UNC13C: variants seen among roughly 807,000 people sequenced by gnomAD.
The protein encoded by UNC13C is unc-13 homolog C.
A neutral mutation model predicts 245.4 loss-of-function variants in UNC13C; 174 were observed. The ratio of observed to expected loss-of-function variants is 0.71; its 90% CI spans 0.63 to 0.80. The LOEUF is 0.80. UNC13C is among the 30% of genes least tolerant of loss of function. The probability of loss-of-function intolerance (pLI) is 0.00; values close to 1 mark genes in which losing one functional copy is unlikely to be tolerated. For missense variants in UNC13C, 2,829 were observed against 2,602.9 expected, an observed-to-expected ratio of 1.09 and a Z score of -1.89; for synonymous variants, 992 against 895.1, an observed-to-expected ratio of 1.11 and a Z score of -1.93.
the UNC13C span, among the ~76,000 whole-genome samples, chr15:53,896,212 T>G: frequency 6.6e-6 from 1 of 152,220 alleles, no homozygotes; most frequent in South Asian, 2.1e-4. Context: ...TATCACTGTT[T>G]CATTTGGTGT....
At chr15:54,535,017 C>G (rs1895928466) in intron 26 of UNC13C, among the ~76,000 whole-genome samples, 1 of 152,128 alleles carries the variant, frequency 6.6e-6, no homozygotes, top group Non-Finnish European at 1.5e-5. Flanking sequence ...TGCATAACAA[C>G]CAGCTAAAGA....
intron 19 of UNC13C, among the ~76,000 whole-genome samples, chr15:54,448,091 A>T (rs1447747377): frequency 6.6e-6 from 1 of 152,156 alleles, no homozygotes; most frequent in Non-Finnish European, 1.5e-5. Context: ...GTTTTGAGTG[A>T]GTTTCTTAAT....
intron 8 of UNC13C, among the ~76,000 whole-genome samples, chr15:54,257,356 C>G (rs2036305873): frequency 6.6e-6 from 1 of 152,200 alleles, no homozygotes; most frequent in South Asian, 2.1e-4. Flanking sequence ...CTAGAAAATG[C>G]TGATGAGATG....
At chr15:54,420,016 G>T (rs116467762) in intron 19 of UNC13C, among the ~76,000 whole-genome samples, 1,693 of 151,998 alleles carry the variant, frequency 0.011, 26 homozygotes, top group African/African-American at 0.039. Flanking sequence ...TGTTTTAGTA[G>T]CTAATTATTT....
At chr15:54,523,168 CAT>C (rs949668842) in intron 24 of UNC13C, among the ~76,000 whole-genome samples, 1 of 152,084 alleles carries the variant, frequency 6.6e-6, no homozygotes, top group Non-Finnish European at 1.5e-5. Context: ...AATTTGGACA[CAT>C]AGAGTAATGC....
At chr15:54,275,397 G>C (rs1233668309) in intron 10 of UNC13C, among the ~76,000 whole-genome samples, 4 of 152,028 alleles carry the variant, frequency 2.6e-5, no homozygotes, top group Non-Finnish European at 5.9e-5. Flanking sequence ...ATCATACTTA[G>C]TATAATAGTA....
At chr15:54,320,714 C>T (rs1198164799) in intron 13 of UNC13C, 4 of 379,366 alleles carry the variant, frequency 1.1e-5, no homozygotes, top group Non-Finnish European at 2.0e-5. Context: ...ACTTTGTTTC[C>T]TGGCAGTAAT....
chr15:54,468,898 A>G (rs1056061154), intron 19 of UNC13C, among the ~76,000 whole-genome samples: 2 of 151,512 alleles, frequency 1.3e-5, no homozygotes, highest in Admixed American at 6.6e-5. Flanking sequence ...CCTTTGGCTC[A>G]AGATTACTTT....
chr15:54,275,206 C>G (rs768800553), intron 10 of UNC13C, among the ~76,000 whole-genome samples: 1 of 152,014 alleles, frequency 6.6e-6, no homozygotes, highest in Admixed American at 6.5e-5. Context: ...TAAATAAAGA[C>G]ACAAATAGTT....
chr15:54,418,611 A>G (rs1014933444), intron 19 of UNC13C, among the ~76,000 whole-genome samples: 4 of 152,104 alleles, frequency 2.6e-5, no homozygotes, highest in Non-Finnish European at 5.9e-5. Context: ...CTTCCAAAAG[A>G]TCTGAAATCA....
At chr15:54,147,791 T>TGTGTGTGTGTGTGTGTGG (rs1240730401) in intron 4 of UNC13C, among the ~76,000 whole-genome samples, 1 of 151,182 alleles carries the variant, frequency 6.6e-6, no homozygotes, top group East Asian at 1.9e-4. Context: ...GGTGTGTGCG[T>TGTGTGTGTGTGTGTGTGG]GTGTGTGTGT....
chr15:54,095,533 T>C (rs892421790), intron 2 of UNC13C, among the ~76,000 whole-genome samples: 6 of 152,192 alleles, frequency 3.9e-5, no homozygotes, highest in Admixed American at 6.5e-5. Flanking sequence ...ATTCAGTAGA[T>C]TGATATTCAG....
chr15:54,124,164 T>C (rs2030873552), intron 2 of UNC13C, among the ~76,000 whole-genome samples: 1 of 152,208 alleles, frequency 6.6e-6, no homozygotes, highest in Non-Finnish European at 1.5e-5. Context: ...ATTAATCATA[T>C]GTAGATTTTT....
chr15:53,970,126 C>T, the UNC13C span, among the ~76,000 whole-genome samples: 1 of 151,694 alleles, frequency 6.6e-6, no homozygotes, highest in African/African-American at 2.4e-5. Context: ...TCTTGGCTCA[C>T]TCCTCACTCC....
At chr15:54,248,314 A>T (rs1289184468) in intron 7 of UNC13C, among the ~76,000 whole-genome samples, 3 of 152,180 alleles carry the variant, frequency 2.0e-5, no homozygotes, top group Non-Finnish European at 4.4e-5. Context: ...CAAATGCTAC[A>T]TTACGCACAC....
At chr15:54,306,089 A>G (rs1412073812) in intron 13 of UNC13C, among the ~76,000 whole-genome samples, 3 of 152,042 alleles carry the variant, frequency 2.0e-5, no homozygotes, top group African/African-American at 4.8e-5. Flanking sequence ...CAGACAAAAG[A>G]GTCTGAAACT....
chr15:53,903,061 C>A, the UNC13C span, among the ~76,000 whole-genome samples: 2 of 152,080 alleles, frequency 1.3e-5, no homozygotes, highest in Admixed American at 6.5e-5. Context: ...GAAATAAAGA[C>A]AAGATAATGC....
At chr15:54,394,398 CA>C (rs2040027895) in intron 18 of UNC13C, among the ~76,000 whole-genome samples, 1 of 151,770 alleles carries the variant, frequency 6.6e-6, no homozygotes, top group African/African-American at 2.4e-5. Context: ...AATCTCTGTA[CA>C]GACTTTGCTC....
At chr15:54,414,665 G>C (rs975515278) in intron 18 of UNC13C, among the ~76,000 whole-genome samples, 3 of 151,776 alleles carry the variant, frequency 2.0e-5, no homozygotes, top group African/African-American at 7.3e-5. Flanking sequence ...AGAAGAAGAT[G>C]GAGTCTTCGA....
Sources: allele counts gnomAD v4.1 joint callset (sites outside exome capture counted in the v4.1 genomes callset), GRCh38; gene constraint gnomAD v4.1.1; transcripts MANE v1.5; gene names NCBI Gene and HGNC (gene_info 2026-07-23, HGNC 2026-07-21).